The following DNAJC21 variants were observed in gnomAD, a reference collection of about 807,000 sequenced individuals.
DNAJC21 encodes dnaJ homolog subfamily C member 21.
Under a neutral mutation model 72.4 loss-of-function variants are expected in DNAJC21, and 63 were observed. The observed-to-expected ratio is 0.87, with a 90% CI of 0.71 to 1.07. The LOEUF is 1.07. Ranked by LOEUF, DNAJC21 falls within the 50% of genes least tolerant of loss-of-function variation. DNAJC21 has a pLI of 0.00. For synonymous variants in DNAJC21, 203 were observed against 216.7 expected, an observed-to-expected ratio of 0.94 and a Z score of 0.56; for missense variants, 634 against 644.8, an observed-to-expected ratio of 0.98 and a Z score of 0.18.
chr5:34,932,313 T>TG (rs1296140485), intron 1 of DNAJC21, among the ~76,000 whole-genome samples: 1 of 150,228 alleles, frequency 6.7e-6, no homozygotes, highest in East Asian at 2.0e-4. Flanking sequence ...CCCAGCCACT[T>TG]GGGAGGCTGA....
At position 34,956,836 on chromosome 5, in the gene DNAJC21, C is replaced by T. The variant is rs1765550067; in HGVS notation, c.*2122C>T. The T allele has an allele frequency of 6.6e-6, 1 of 152,130 alleles. No homozygotes were observed. The highest frequency in any genetic ancestry group is 2.4e-5 in the African/African-American group (1 of 41,414). 9.4% of individuals were successfully genotyped at this position (152,130 alleles called of 1,614,324 possible). On this transcript the variant is annotated 3_prime_UTR_variant, in exon 12 of 12. Transcript: ENST00000648817. ...CTCATCCTTTATGATGTTGAGAAAT[C>T]ATCTAATTTCTCAGAACTTTTTCTT...
At chr5:34,949,699 C>T in intron 9 of DNAJC21, 1 of 1,612,752 alleles carries the variant, frequency 6.2e-7, no homozygotes, top group East Asian at 2.2e-5. Context: ...ATATGTTTGC[C>T]AGGCGTCTTT....
chr5:34,950,561 T>C, intron 10 of DNAJC21: 1 of 1,169,038 alleles, frequency 8.6e-7, no homozygotes, highest in Non-Finnish European at 1.1e-6. Flanking sequence ...CTCAGCAGCA[T>C]GGCCAAAATC....
rs751092448 is a variant in DNAJC21 at position 34,941,097 on chromosome 5, T to A, written c.897T>A (p.Gly299=). ...EEHELKDEED[G]KDSDEAEDAE... ...TTACTGTAGGCTTCCCTGTCATAGGTAAAGACAGTGATGAGGCCGAGGACG... is the reference window on the plus strand; with the variant it reads ...TTACTGTAGGCTTCCCTGTCATAGGAAAAGACAGTGATGAGGCCGAGGACG... Residue 299 remains glycine (G), a splice_region_variant and synonymous_variant, in exon 7 of 12, where the codon GGT becomes GGA. Coordinates refer to ENST00000648817, the MANE Select transcript of DNAJC21 (RefSeq NM_001012339.3). The A allele has an allele frequency of 1.7e-5, 27 of 1,612,902 alleles. No individual in the cohort carries two copies. Among genetic ancestry groups the A allele is most frequent in the Non-Finnish European group, 2.1e-5 (25 of 1,179,126 alleles).
chr5:34,934,002 G>A (rs1764686421), intron 2 of DNAJC21, 94 bp downstream of exon 2: 1 of 1,062,384 alleles, frequency 9.4e-7, no homozygotes, highest in Non-Finnish European at 1.4e-6. Context: ...TACATTAAAT[G>A]GTTTTTGGTG....
At chr5:34,944,739 A>G (rs1765115852) in intron 7 of DNAJC21, 128 bp from the exon 8 acceptor site, 1 of 1,271,238 alleles carries the variant, frequency 7.9e-7, no homozygotes, top group Non-Finnish European at 1.1e-6. Context: ...AAAAAAATAA[A>G]TAGAATCAGA....
intron 7 of DNAJC21, among the ~76,000 whole-genome samples, chr5:34,944,239 CGGT>C (rs1765095791): frequency 1.3e-5 from 2 of 152,130 alleles, no homozygotes; most frequent in African/African-American, 4.8e-5. Context: ...ATGTACGTTA[CGGT>C]GGTGAGAGTG....
Position 34,956,070 on chromosome 5 carries a change from A to AG in DNAJC21, c.*1356_*1357insG, listed in dbSNP as rs931712856. 2 of 151,984 alleles carry AG rather than the reference A, an allele frequency of 1.3e-5. No individual in the cohort carries two copies. Among genetic ancestry groups the AG allele is most frequent in the Non-Finnish European group, 2.9e-5 (2 of 68,068 alleles). 9.4% of individuals were successfully genotyped at this position (151,984 alleles called of 1,614,324 possible). The stretch of plus-strand genomic sequence containing the variant: ...TCCGTCTCAAAAAAAAAAAAAAAAA[A>AG]AAAAAGAAAGTAATTTTAAACTCAC... On this transcript the variant is annotated 3_prime_UTR_variant, in exon 12 of 12. Coordinates refer to ENST00000648817, the MANE Select transcript of DNAJC21 (RefSeq NM_001012339.3).
Position 34,956,630 on chromosome 5 carries a change from T to C in DNAJC21, c.*1916T>C, listed in dbSNP as rs1765545499. On this transcript the variant is annotated 3_prime_UTR_variant, in exon 12 of 12. Coordinates refer to ENST00000648817, the MANE Select transcript of DNAJC21 (RefSeq NM_001012339.3). Reference sequence around the variant, plus strand: ...GGAAGTCATCTTGAAAGGCAGTTAATGTACTGCAAATGTCCCTATGACTTC... The same window carrying C: ...GGAAGTCATCTTGAAAGGCAGTTAACGTACTGCAAATGTCCCTATGACTTC... 1 of 152,228 alleles carries C rather than the reference T, an allele frequency of 6.6e-6. No homozygotes were observed. The highest frequency in any genetic ancestry group is 1.5e-5 in the Non-Finnish European group (1 of 68,036). 9.4% of individuals were successfully genotyped at this position (152,228 alleles called of 1,614,324 possible). A position where few individuals can be genotyped will look rare whatever the true frequency, so the allele number is the denominator to read the frequency against.
intron 7 of DNAJC21, among the ~76,000 whole-genome samples, chr5:34,943,068 CAAAAT>C (rs891650612): frequency 2.7e-5 from 4 of 148,262 alleles, no homozygotes; most frequent in Non-Finnish European, 3.0e-5. Flanking sequence ...AACTCCGTCT[CAAAAT>C]AAAAAAAAAA....
intron 10 of DNAJC21, among the ~76,000 whole-genome samples, chr5:34,953,176 A>G (rs1765433653): frequency 6.6e-6 from 1 of 152,054 alleles, no homozygotes. Flanking sequence ...TTTTTGGGGA[A>G]CCACACTTCA....
chr5:34,950,538 T>C, intron 10 of DNAJC21, 196 bp downstream of exon 10: 1 of 1,233,880 alleles, frequency 8.1e-7, no homozygotes, highest in Non-Finnish European at 1.0e-6. Context: ...TAGAGGAATG[T>C]GCCCACACAC....
chr5:34,947,882 T>G (rs1293504612), intron 9 of DNAJC21, among the ~76,000 whole-genome samples: 1 of 152,150 alleles, frequency 6.6e-6, no homozygotes, highest in Non-Finnish European at 1.5e-5. Flanking sequence ...CGTGAGTGCT[T>G]GGCTAGTTAT....
In DNAJC21 at chr5:34,958,682, T is replaced by G. The variant is rs1321486087; in HGVS notation, c.*3968T>G. 3 of 152,106 alleles carry G rather than the reference T, an allele frequency of 2.0e-5. No individual in the cohort carries two copies. The highest frequency in any genetic ancestry group is 7.2e-5 in the African/African-American group (3 of 41,424). 9.4% of individuals were successfully genotyped at this position (152,106 alleles called of 1,614,324 possible). A position where few individuals can be genotyped will look rare whatever the true frequency, so the allele number is the denominator to read the frequency against. On this transcript the variant is annotated 3_prime_UTR_variant, in exon 12 of 12. Coordinates refer to ENST00000648817, the MANE Select transcript of DNAJC21 (RefSeq NM_001012339.3). ...AATACATTAAAGAAGCAAAAGAACC[T>G]CATACAAAAGTCATTGAGTAAATGA...
At chr5:34,952,852 C>G (rs1404742606) in intron 10 of DNAJC21, 1 of 152,054 alleles carries the variant, frequency 6.6e-6, no homozygotes, top group Non-Finnish European at 1.5e-5. Flanking sequence ...TGGATCACGT[C>G]CAAGAAGTTA....
chr5:34,937,560 G>A lies in DNAJC21; in HGVS notation c.673G>A (p.Glu225Lys), dbSNP rs556917839. The A allele has an allele frequency of 1.7e-5, 28 of 1,613,982 alleles. No individual in the cohort carries two copies. Among genetic ancestry groups the A allele is most frequent in the Middle Eastern group, 1.7e-4 (1 of 6,056 alleles). ...KRVQAHRKLVEEQNAEKARKA... is the reference protein window; with the variant it reads ...KRVQAHRKLVKEQNAEKARKA... ...AGTGCAGGCGCATCGAAAACTTGTG[G>A]AAGAACAGAATGCAGAGAAGGCGAG... Residue 225 changes from glutamate (E) to lysine (K), a missense_variant, in exon 5 of 12, where the codon GAA becomes AAA. Transcript: ENST00000648817.
In DNAJC21 at chr5:34,955,114, T is replaced by C. The variant is rs1185338613; in HGVS notation, c.*400T>C. ...TGTGTTTTGTTAATACTTCATAATA[T>C]GTGAAAAACTCGGATCTTTTAAAAA... is the stretch of plus-strand genomic sequence containing the variant. On this transcript the variant is annotated 3_prime_UTR_variant, in exon 12 of 12. Coordinates refer to ENST00000648817, the MANE Select transcript of DNAJC21 (RefSeq NM_001012339.3). 6.5e-6 allele frequency: 1 copy of C among 153,454 alleles called. No individual in the cohort carries two copies. Among genetic ancestry groups the C allele is most frequent in the Non-Finnish European group, 1.5e-5 (1 of 68,644 alleles). The allele number at this position is 153,454 out of a possible 1,614,324, so 9.5% of individuals were successfully genotyped here. A position where few individuals can be genotyped will look rare whatever the true frequency, so the allele number is the denominator to read the frequency against.
Position 34,953,149 on chromosome 5 carries a change from CA to C in DNAJC21, c.1359-768del, listed in dbSNP as rs1400930886. Among the ~76,000 whole-genome samples, 12 of 150,322 alleles carry C rather than the reference CA, an allele frequency of 8.0e-5. No homozygotes were observed. The East Asian group carries it at 1.4e-3, about 17-fold the overall frequency. On this transcript the variant is annotated intron_variant, in intron 10 of 11. Coordinates refer to ENST00000648817, the MANE Select transcript of DNAJC21 (RefSeq NM_001012339.3). ...TGGGTGACAGAGTGAGACTCCATCT[CA>C]AAAAAAAAGTTAATGTTTTTGGGGA...
intron 2 of DNAJC21, 41 bp from the exon 3 acceptor site, chr5:34,935,669 C>T: frequency 6.2e-7 from 1 of 1,609,528 alleles, no homozygotes; most frequent in Non-Finnish European, 8.5e-7. Flanking sequence ...TGAATTCTTA[C>T]TTATTCAGCC....
Sources: allele counts gnomAD v4.1 joint callset (sites outside exome capture counted in the v4.1 genomes callset), GRCh38; gene constraint gnomAD v4.1.1; transcripts MANE v1.5; gene names NCBI Gene and HGNC (gene_info 2026-07-23, HGNC 2026-07-21).